PNKD: variants seen among roughly 807,000 people sequenced by gnomAD.
PNKD encodes PNKD metallo-beta-lactamase domain containing.
PNKD carries 36 observed loss-of-function variants against 45.3 expected under a neutral mutation model. That is an observed-to-expected ratio of 0.80 (90% confidence interval 0.61 to 1.05). The LOEUF is 1.05. Ranked by LOEUF, PNKD falls within the 50% of genes least tolerant of loss-of-function variation. PNKD has a pLI of 0.00. For missense variants in PNKD, 511 were observed against 506.6 expected, an observed-to-expected ratio of 1.01 and a Z score of -0.08; for synonymous variants, 197 against 210.1, an observed-to-expected ratio of 0.94 and a Z score of 0.54.
intron 2 of PNKD, among the ~76,000 whole-genome samples, chr2:218,322,876 A>C (rs563281137): frequency 5.9e-5 from 9 of 152,296 alleles, no homozygotes; most frequent in Non-Finnish European, 1.3e-4. Context: ...ATGGCAGCTG[A>C]CCCCGATGAT....
intron 2 of PNKD, chr2:218,278,639 TTTGGGG>T: frequency 6.5e-7 from 1 of 1,539,888 alleles, no homozygotes; most frequent in Non-Finnish European, 9.0e-7. Flanking sequence ...AGGCCAGTGA[TTTGGGG>T]CCCAAATAGC....
chr2:218,324,992 ATTTTCTTT>A (rs1559525912), intron 2 of PNKD, among the ~76,000 whole-genome samples: 1 of 111,348 alleles, frequency 9.0e-6, no homozygotes, highest in African/African-American at 3.8e-5. Context: ...TATCTAAATA[ATTTTCTTT>A]TTTTTTTTTT....
intron 2 of PNKD, among the ~76,000 whole-genome samples, chr2:218,304,396 G>A (rs1030123091): frequency 6.6e-6 from 1 of 151,528 alleles, no homozygotes; most frequent in Non-Finnish European, 1.5e-5. Context: ...CACCCGCCTC[G>A]GCCTCCCAAA....
intron 2 of PNKD, chr2:218,276,051 G>A: frequency 5.0e-6 from 8 of 1,613,146 alleles, no homozygotes; most frequent in Non-Finnish European, 6.8e-6. Context: ...GGCCCCCAGA[G>A]CAGCATAGAG....
intron 2 of PNKD, chr2:218,277,084 A>G: frequency 6.2e-7 from 1 of 1,614,196 alleles, no homozygotes; most frequent in Non-Finnish European, 8.5e-7. Flanking sequence ...AGGCCTGTGC[A>G]CGAGGTGAAG....
At chr2:218,300,373 C>T (rs1441774266) in intron 2 of PNKD, among the ~76,000 whole-genome samples, 1 of 152,130 alleles carries the variant, frequency 6.6e-6, no homozygotes, top group East Asian at 1.9e-4. Context: ...CTCGACTTTG[C>T]TTCCTATGTC....
At chr2:218,286,287 G>C (rs375696163) in intron 2 of PNKD, 2 of 151,866 alleles carry the variant, frequency 1.3e-5, no homozygotes, top group Non-Finnish European at 2.9e-5. Flanking sequence ...TCCACCCACC[G>C]AGGCCTCCCA....
chr2:218,332,859 C>G (rs1292901519), intron 2 of PNKD, among the ~76,000 whole-genome samples: 2 of 152,170 alleles, frequency 1.3e-5, no homozygotes, highest in Non-Finnish European at 2.9e-5. Context: ...TGGCCTGGCC[C>G]CTGCCCACCT....
At chr2:218,278,612 G>A (rs533249625) in intron 2 of PNKD, 31 of 1,604,814 alleles carry the variant, frequency 1.9e-5, no homozygotes, top group Non-Finnish European at 2.3e-5. Flanking sequence ...AATCTGCCCC[G>A]CTTGGCAGCA....
intron 2 of PNKD, among the ~76,000 whole-genome samples, chr2:218,328,673 G>A (rs775475595): frequency 8.5e-5 from 13 of 152,198 alleles, no homozygotes; most frequent in South Asian, 2.1e-4. Flanking sequence ...CACGGTATCC[G>A]TCTGATGTGA....
At chr2:218,299,498 G>A (rs1693220690) in intron 2 of PNKD, among the ~76,000 whole-genome samples, 1 of 152,092 alleles carries the variant, frequency 6.6e-6, no homozygotes. Context: ...AGGCTGGAGT[G>A]CAGCGAAGCA....
At chr2:218,312,307 C>T (rs1693637578) in intron 2 of PNKD, among the ~76,000 whole-genome samples, 1 of 152,084 alleles carries the variant, frequency 6.6e-6, no homozygotes, top group African/African-American at 2.4e-5. Context: ...CAGTGCCTTG[C>T]CTGTGATTTG....
chr2:218,315,020 C>T (rs906728606), intron 2 of PNKD, among the ~76,000 whole-genome samples: 1 of 1,928 alleles, frequency 5.2e-4, no homozygotes, highest in Non-Finnish European at 1.7e-3. Context: ...CTTTTTCTTT[C>T]TTTCTTTCTT....
intron 2 of PNKD, among the ~76,000 whole-genome samples, chr2:218,303,520 A>G (rs971089107): frequency 2.6e-4 from 39 of 150,940 alleles, no homozygotes; most frequent in African/African-American, 9.2e-4. Context: ...TGGTGGCACC[A>G]GCCCCCACCC....
chr2:218,339,667 G>T, intron 2 of PNKD, 116 bp from the exon 3 acceptor site: 1 of 724,568 alleles, frequency 1.4e-6, no homozygotes. Flanking sequence ...GAGTGGAATT[G>T]CATTGGCTCA....
intron 2 of PNKD, chr2:218,323,562 T>G: frequency 1.8e-6 from 1 of 548,844 alleles, no homozygotes; most frequent in Non-Finnish European, 2.5e-6. Context: ...GGAAGAGGGA[T>G]CGAGGAGACG....
chr2:218,307,312 A>ATTT lies in PNKD; in HGVS notation c.237-32471_237-32470insTTT, dbSNP rs1338409860. On this transcript the variant is annotated intron_variant, in intron 2 of 9. Transcript: ENST00000273077. ...TGTGCACTAGATTTCTATTATTATTACATTGTAATATATAATAAAATAATC... is the reference window on the plus strand; with the variant it reads ...TGTGCACTAGATTTCTATTATTATTATTTCATTGTAATATATAATAAAATAATC... Among the ~76,000 whole-genome samples the ATTT allele has an allele frequency of 6.9e-4, 105 of 152,296 alleles. 2 individuals are homozygous for ATTT. The East Asian group carries it at 0.014, about 20-fold the overall frequency.
chr2:218,292,180 C>A (rs1355652955), intron 2 of PNKD, among the ~76,000 whole-genome samples: 1 of 152,214 alleles, frequency 6.6e-6, no homozygotes, highest in Non-Finnish European at 1.5e-5. Context: ...CGAGGACACC[C>A]CCAGACCCTG....
intron 2 of PNKD, among the ~76,000 whole-genome samples, chr2:218,290,986 T>C (rs1244724562): frequency 6.6e-6 from 1 of 152,180 alleles, no homozygotes; most frequent in Non-Finnish European, 1.5e-5. Flanking sequence ...CAAGTATGTG[T>C]GTTTCCCTTC....
Sources: allele counts gnomAD v4.1 joint callset (sites outside exome capture counted in the v4.1 genomes callset), GRCh38; gene constraint gnomAD v4.1.1; transcripts MANE v1.5; gene names NCBI Gene and HGNC (gene_info 2026-07-23, HGNC 2026-07-21).